The following ZNF557 variants were observed in gnomAD, a reference collection of about 807,000 sequenced individuals.
ZNF557 encodes the protein zinc finger protein 557, also known as CTB-25J19.9.
ZNF557 carries 19 observed loss-of-function variants against 21.2 expected under a neutral mutation model. That is an observed-to-expected ratio of 0.90 (90% CI 0.63 to 1.32). ZNF557 has a LOEUF of 1.32. ZNF557 is among the 40% of genes most tolerant of loss of function. The probability of loss-of-function intolerance (pLI) is 0.00; values close to 1 mark genes in which losing one functional copy is unlikely to be tolerated. For synonymous variants in ZNF557, 207 were observed against 194.8 expected (o/e 1.06, Z -0.52); for missense variants, 487 against 519.8 (o/e 0.94, Z 0.61).
rs752951119 is a variant in ZNF557, at chr19:7,083,578, A to G, written c.1127A>G (p.Tyr376Cys). ...AGAATACATAATGGAGAGAAATCCT[A>G]TGAGTGCAGTGATTGTGGAAAATCC... ...HRRIHNGEKS[Y>C]ECSDCGKSFN... The change falls in exon 8 of 8, where the codon TAT becomes TGT. Residue 376 changes from tyrosine to cysteine, a missense_variant. Coordinates refer to ENST00000252840, the MANE Select transcript of ZNF557 (RefSeq NM_024341.3). 1.2e-6 allele frequency: 2 copies of G among 1,614,100 alleles called. No individual in the cohort carries two copies. Among genetic ancestry groups the G allele is most frequent in the African/African-American group, 1.3e-5 (1 of 74,936 alleles).
In ZNF557 at chr19:7,083,585, C is replaced by T; in HGVS notation, c.1134C>T (p.Cys378=). ...ATAATGGAGAGAAATCCTATGAGTG[C>T]AGTGATTGTGGAAAATCCTTTAATG... ...RIHNGEKSYE[C]SDCGKSFNVL... is the part of the protein sequence containing the mutation. Residue 378 remains cysteine, a synonymous_variant, in exon 8 of 8, where the codon TGC becomes TGT. Coordinates refer to ENST00000252840, the MANE Select transcript of ZNF557 (RefSeq NM_024341.3). 1 of 1,613,980 alleles carries T rather than the reference C, an allele frequency of 6.2e-7. No homozygotes were observed. The highest frequency in any genetic ancestry group is 2.2e-5 in the East Asian group (1 of 44,876).
chr19:7,075,013 G>A lies in ZNF557; in HGVS notation c.-62G>A, dbSNP rs1387440119. 1.4e-5 allele frequency: 23 copies of A among 1,612,774 alleles called. No homozygotes were observed. The highest frequency in any genetic ancestry group is 9.9e-5 in the South Asian group (9 of 91,080). The stretch of plus-strand genomic sequence containing the variant: ...TCTTCCAGGGTGCTGTCCTGAGAGC[G>A]CTGCGGGATAAAGGAGGAGCGTCCT... On this transcript the variant is annotated 5_prime_UTR_variant, in exon 3 of 8. Coordinates refer to ENST00000252840, the MANE Select transcript of ZNF557 (RefSeq NM_024341.3).
rs1977553796 is a variant in ZNF557 at position 7,074,962 on chromosome 19, GA to G, written c.-79-33del. ...ACGCAGGGCACGGGCTGGAGGGGGT[GA>G]CCGAGGCAGAGTGTTCCCCCCATTT... On this transcript the variant is annotated intron_variant, in intron 2 of 7. Transcript: ENST00000252840. The G allele has an allele frequency of 6.4e-6, 10 of 1,566,654 alleles. No homozygotes were observed. In the Admixed American group the frequency reaches 1.3e-4, roughly 21 times the overall value.
At chr19:7,078,279 A>T (rs569612995) in intron 5 of ZNF557, among the ~76,000 whole-genome samples, 1 of 152,164 alleles carries the variant, frequency 6.6e-6, no homozygotes, top group Admixed American at 6.5e-5. Context: ...ATTTTTCAGG[A>T]TAGTCTGTCT....
At position 7,085,943 on chromosome 19, in the gene ZNF557, A is replaced by G. The variant is rs1724347514; in HGVS notation, c.*2199A>G. ...TCTAGTTTGTTATAATAGAAATTAG[A>G]CATTTGCCAGGTGTGGTGGCTCACA... On this transcript the variant is annotated 3_prime_UTR_variant, in exon 8 of 8. Transcript: ENST00000252840. 1.3e-5 allele frequency: 2 copies of G among 152,108 alleles called. No individual in the cohort carries two copies. Among genetic ancestry groups the G allele is most frequent in the African/African-American group, 4.8e-5 (2 of 41,406 alleles). The allele number at this position is 152,108 out of a possible 1,614,324, so 9.4% of individuals were successfully genotyped here.
rs1490960417 is a variant in ZNF557 at position 7,085,102 on chromosome 19, C to A, written c.*1358C>A. On this transcript the variant is annotated 3_prime_UTR_variant, in exon 8 of 8. Transcript: ENST00000252840. ...GAAGTGAGATTCATACTAGAAAAAC[C>A]ATTGAATTCCATCAGTATTAGAATG... 1.3e-5 allele frequency: 2 copies of A among 152,158 alleles called. No individual in the cohort carries two copies. Among genetic ancestry groups the A allele is most frequent in the Non-Finnish European group, 2.9e-5 (2 of 68,030 alleles). 9.4% of individuals were successfully genotyped at this position (152,158 alleles called of 1,614,324 possible). A position where few individuals can be genotyped will look rare whatever the true frequency, so the allele number is the denominator to read the frequency against.
rs1289250815 is a variant in ZNF557 at position 7,083,251 on chromosome 19, A to G, written c.800A>G (p.Asn267Ser). Residue 267 changes from asparagine (N) to serine (S), a missense_variant, in exon 8 of 8, where the codon AAC becomes AGC. Transcript: ENST00000252840. ...ACTGGAGAAAAACCGTACAAATGTA[A>G]CCAGTGTTTTCGTGAGTTCCGCACT... Reference protein sequence around the residue: ...IHTGEKPYKCNQCFREFRTQS... With the variant: ...IHTGEKPYKCSQCFREFRTQS... 1 of 1,614,238 alleles carries G rather than the reference A, an allele frequency of 6.2e-7. No individual in the cohort carries two copies. Among genetic ancestry groups the G allele is most frequent in the Non-Finnish European group, 8.5e-7 (1 of 1,180,048 alleles).
chr19:7,087,537 CAA>C lies in ZNF557; in HGVS notation c.*3807_*3808del, dbSNP rs11287183. On this transcript the variant is annotated 3_prime_UTR_variant, in exon 8 of 8. Coordinates refer to ENST00000252840, the MANE Select transcript of ZNF557 (RefSeq NM_024341.3). ...GGGCAACAAGAGCAAAACTCCATCT[CAA>C]AAAAAAAAAAAAAGAAAGAAACAGT... The C allele has an allele frequency of 0.013, 1,825 of 137,268 alleles. 34 individuals carry two copies. The highest frequency in any genetic ancestry group is 0.039 in the African/African-American group (1,462 of 37,284). 8.5% of individuals were successfully genotyped at this position (137,268 alleles called of 1,614,324 possible).
chr19:7,076,429 T>C lies in ZNF557; in HGVS notation c.169T>C (p.Trp57Arg). Reference sequence around the variant, plus strand: ...GGCCGTGGAGTTCACCCAGGAGGAGTGGGCATTGCTGGACCCTGCCCAAAG... The same window carrying C: ...GGCCGTGGAGTTCACCCAGGAGGAGCGGGCATTGCTGGACCCTGCCCAAAG... Reference protein sequence around the residue: ...DVAVEFTQEEWALLDPAQRTL... With the variant: ...DVAVEFTQEERALLDPAQRTL... Residue 57 changes from tryptophan (W) to arginine (R), a missense_variant, in exon 5 of 8, where the codon TGG becomes CGG. Physicochemically the swap from Trp to Arg is moderately radical, Grantham distance 101 (BLOSUM62 -3). Coordinates refer to ENST00000252840, the MANE Select transcript of ZNF557 (RefSeq NM_024341.3). 1.9e-6 allele frequency: 3 copies of C among 1,613,928 alleles called. No homozygotes were observed. The highest frequency in any genetic ancestry group is 2.5e-6 in the Non-Finnish European group (3 of 1,179,988).
intron 6 of ZNF557, 80 bp from the exon 7 acceptor site, chr19:7,081,890 G>C (rs1471749135): frequency 1.0e-5 from 11 of 1,065,542 alleles, no homozygotes; most frequent in Non-Finnish European, 1.6e-5. Flanking sequence ...CTTCACTCAC[G>C]TATGCATTTT....
intron 3 of ZNF557, among the ~76,000 whole-genome samples, 174 bp from the exon 4 acceptor site, chr19:7,075,481 T>G (rs1165174570): frequency 6.6e-6 from 1 of 152,186 alleles, no homozygotes; most frequent in Non-Finnish European, 1.5e-5. Flanking sequence ...GGCCATGCTC[T>G]GGTTTCCTTG....
At chr19:7,074,803 T>G (rs1379430201) in intron 2 of ZNF557, among the ~76,000 whole-genome samples, 193 bp from the exon 3 acceptor site, 1 of 24,306 alleles carries the variant, frequency 4.1e-5, no homozygotes, top group Non-Finnish European at 7.2e-5. Context: ...AGGGGGGGTG[T>G]GACCGAGGCA....
rs1171244445 is a variant in ZNF557 at position 7,086,249 on chromosome 19, CAA to C, written c.*2506_*2507del. On this transcript the variant is annotated 3_prime_UTR_variant, in exon 8 of 8. Transcript: ENST00000252840. ...CTGTCTCAAAAAAAAAAAAATCAGA[CAA>C]TATTTGATATATTTTTTTCTAATTT... is the stretch of plus-strand genomic sequence containing the variant. 2 of 103,008 alleles carry C rather than the reference CAA, an allele frequency of 1.9e-5. No homozygotes were observed. Among genetic ancestry groups the C allele is most frequent in the East Asian group, 3.4e-4 (1 of 2,978 alleles). The allele number at this position is 103,008 out of a possible 1,614,324, so 6.4% of individuals were successfully genotyped here.
intron 5 of ZNF557, among the ~76,000 whole-genome samples, 196 bp from the exon 6 acceptor site, chr19:7,081,148 GGGGTGTGTGTGTGTGT>G (rs1568409298): frequency 7.3e-6 from 1 of 136,568 alleles, no homozygotes. Flanking sequence ...TATTGCTTGT[GGGGTGTGTGTGTGTGT>G]GTGTGTGTGT....
intron 5 of ZNF557, among the ~76,000 whole-genome samples, chr19:7,078,999 T>C (rs1160405280): frequency 1.3e-5 from 2 of 152,088 alleles, no homozygotes; most frequent in Non-Finnish European, 2.9e-5. Flanking sequence ...TTTTCAATTT[T>C]AAAATTCCTA....
rs1288919784 is a variant in ZNF557 at position 7,087,613 on chromosome 19, G to C, written c.*3869G>C. On this transcript the variant is annotated 3_prime_UTR_variant, in exon 8 of 8. Transcript: ENST00000252840. ...GTTCTTCAAAAACCTTTGATTGGCT[G>C]CATTGGCTCTGTTCTGCATATTACT... 1 of 151,594 alleles carries C rather than the reference G, an allele frequency of 6.6e-6. No homozygotes were observed. Among genetic ancestry groups the C allele is most frequent in the Admixed American group, 6.6e-5 (1 of 15,202 alleles). 9.4% of individuals were successfully genotyped at this position (151,594 alleles called of 1,614,324 possible).
Position 7,083,754 on chromosome 19 carries a change from C to T in ZNF557, c.*10C>T. 1 of 1,581,004 alleles carries T rather than the reference C, an allele frequency of 6.3e-7. No homozygotes were observed. Among genetic ancestry groups the T allele is most frequent in the Non-Finnish European group, 8.6e-7 (1 of 1,163,252 alleles). Reference sequence around the variant, plus strand: ...TAATAGGCAAATGTGAATTCAATAACTGTGGGAAAAGCATTCATTGATCTT... The same window carrying T: ...TAATAGGCAAATGTGAATTCAATAATTGTGGGAAAAGCATTCATTGATCTT... On this transcript the variant is annotated 3_prime_UTR_variant, in exon 8 of 8. Transcript: ENST00000252840.
chr19:7,070,273 C>T (rs2145159264), intron 1 of ZNF557, among the ~76,000 whole-genome samples: 1 of 152,308 alleles, frequency 6.6e-6, no homozygotes, highest in South Asian at 2.1e-4. Context: ...GAATTTAAAG[C>T]ATCTGGAGTC....
chr19:7,070,103 G>T (rs1386623746), intron 1 of ZNF557, among the ~76,000 whole-genome samples: 1 of 152,160 alleles, frequency 6.6e-6, no homozygotes, highest in Non-Finnish European at 1.5e-5. Flanking sequence ...CCTGCAGCGC[G>T]TAAAGCAGCC....
Sources: gnomAD v4.1 joint callset for allele counts (sites outside exome capture counted in the v4.1 genomes callset) on GRCh38, gnomAD v4.1.1 for gene constraint, MANE v1.5 for transcripts, NCBI Gene and HGNC (gene_info 2026-07-23, HGNC 2026-07-21) for gene names.